Variants in NR3C2 observed in about 807,000 individuals in gnomAD.
The protein encoded by NR3C2 is nuclear receptor subfamily 3 group C member 2.
NR3C2 carries 15 observed loss-of-function variants against 86.4 expected under a neutral mutation model. The ratio of observed to expected loss-of-function variants is 0.17; its 90% CI spans 0.12 to 0.27. The LOEUF (loss-of-function observed/expected upper bound fraction) is 0.27, where lower values mean the gene tolerates loss of function less well. Ranked by LOEUF, NR3C2 falls within the 10% of genes least tolerant of loss-of-function variation. The pLI is 1.00. For synonymous variants in NR3C2, 458 were observed against 450.5 expected, an observed-to-expected ratio of 1.02 and a Z score of -0.21; for missense variants, 960 against 1,195.6, an observed-to-expected ratio of 0.80 and a Z score of 2.91.
At chr4:148,114,042 G>C in intron 8 of NR3C2, 62 bp downstream of exon 8, 3 of 1,586,622 alleles carry the variant, frequency 1.9e-6, no homozygotes, top group Non-Finnish European at 2.6e-6. Context: ...GTTTCCTTTG[G>C]TCAGCAGTGT....
chr4:148,385,303 T>C (rs533978453), intron 2 of NR3C2, among the ~76,000 whole-genome samples: 1 of 152,290 alleles, frequency 6.6e-6, no homozygotes, highest in South Asian at 2.1e-4. Context: ...CCATAACAAA[T>C]TATCTGCCAG....
At chr4:148,321,589 T>G (rs1743595617) in intron 2 of NR3C2, among the ~76,000 whole-genome samples, 1 of 152,194 alleles carries the variant, frequency 6.6e-6, no homozygotes, top group Admixed American at 6.5e-5. Context: ...ATATTTAGGA[T>G]AGTTAGCTCT....
At chr4:148,322,220 G>C (rs1231213204) in intron 2 of NR3C2, among the ~76,000 whole-genome samples, 2 of 149,316 alleles carry the variant, frequency 1.3e-5, no homozygotes, top group Non-Finnish European at 3.0e-5. Context: ...ACTCTCTTCT[G>C]GCTTGTAGGG....
At chr4:148,154,330 G>T (rs986782899) in intron 5 of NR3C2, among the ~76,000 whole-genome samples, 1 of 152,156 alleles carries the variant, frequency 6.6e-6, no homozygotes. Flanking sequence ...AGCCGTATCT[G>T]TCATTTTAAC....
intron 3 of NR3C2, among the ~76,000 whole-genome samples, chr4:148,241,053 C>A (rs141302468): frequency 0.011 from 1,615 of 152,114 alleles, 20 homozygotes; most frequent in African/African-American, 0.037. Context: ...CGCCTGTAAT[C>A]CCAACGCTTT....
intron 2 of NR3C2, among the ~76,000 whole-genome samples, chr4:148,381,354 A>G (rs970348492): frequency 2.6e-5 from 4 of 152,214 alleles, no homozygotes; most frequent in African/African-American, 9.6e-5. Context: ...AATGCCATGT[A>G]CTGTTTCTCT....
intron 4 of NR3C2, among the ~76,000 whole-genome samples, chr4:148,160,104 A>C (rs1484912235): frequency 6.6e-6 from 1 of 152,184 alleles, no homozygotes; most frequent in African/African-American, 2.4e-5. Context: ...TATAATAACT[A>C]GTATGTGCTT....
Position 148,320,973 on chromosome 4 carries a change from G to T in NR3C2, c.1758-60856C>A, listed in dbSNP as rs1419674161. 0.012 allele frequency among the ~76,000 whole-genome samples: 1,832 copies of T among 149,038 alleles called. 77 individuals are homozygous for T. The East Asian group carries it at 0.14, about 12-fold the overall frequency. On this transcript the variant is annotated intron_variant, in intron 2 of 8. Coordinates refer to ENST00000358102, the MANE Select transcript of NR3C2 (RefSeq NM_000901.5). ...TAGTTCTTTTAATTGTGATGTTAGGGTGTCAATTTTGGATCTTTCCTGCTT... is the reference window on the plus strand; with the variant it reads ...TAGTTCTTTTAATTGTGATGTTAGGTTGTCAATTTTGGATCTTTCCTGCTT...
intron 2 of NR3C2, among the ~76,000 whole-genome samples, chr4:148,410,686 C>G (rs1290354997): frequency 6.6e-6 from 1 of 152,114 alleles, no homozygotes; most frequent in South Asian, 2.1e-4. Context: ...ATTTTTCTTA[C>G]CTATCCGCAA....
intron 6 of NR3C2, among the ~76,000 whole-genome samples, chr4:148,124,795 T>G (rs1203628521): frequency 6.6e-6 from 1 of 152,200 alleles, no homozygotes; most frequent in Non-Finnish European, 1.5e-5. Flanking sequence ...CTCTCTGTAC[T>G]GCATTCCTAG....
chr4:148,239,457 T>C (rs886961703), intron 3 of NR3C2, among the ~76,000 whole-genome samples: 4 of 152,132 alleles, frequency 2.6e-5, no homozygotes, highest in Non-Finnish European at 4.4e-5. Flanking sequence ...TCTTGAAGAG[T>C]ATCTGCCCCT....
intron 2 of NR3C2, among the ~76,000 whole-genome samples, chr4:148,287,150 CT>C (rs998008281): frequency 1.3e-5 from 2 of 152,206 alleles, no homozygotes; most frequent in South Asian, 2.1e-4. Flanking sequence ...ATGGAAACCA[CT>C]TTTTTTCTCT....
intron 2 of NR3C2, among the ~76,000 whole-genome samples, chr4:148,297,883 C>T (rs2149917318): frequency 6.7e-6 from 1 of 149,602 alleles, no homozygotes; most frequent in East Asian, 1.9e-4. Context: ...AAGTGAAACT[C>T]CGTCTCAAAA....
intron 8 of NR3C2, among the ~76,000 whole-genome samples, chr4:148,088,492 A>G (rs1730916696): frequency 6.6e-6 from 1 of 152,224 alleles, no homozygotes; most frequent in Non-Finnish European, 1.5e-5. Context: ...TAGAATGGAT[A>G]AAGAAAATGT....
intron 2 of NR3C2, among the ~76,000 whole-genome samples, chr4:148,298,746 T>C (rs1307306785): frequency 3.9e-5 from 6 of 152,240 alleles, no homozygotes; most frequent in African/African-American, 1.4e-4. Flanking sequence ...CAAATTCTAG[T>C]TACCCTGCTT....
chr4:148,096,827 C>G (rs1731297751), intron 8 of NR3C2, among the ~76,000 whole-genome samples: 1 of 152,208 alleles, frequency 6.6e-6, no homozygotes, highest in Admixed American at 6.5e-5. Context: ...AGCTGAGTAG[C>G]TGTAACCAAG....
chr4:148,332,331 G>A (rs906810589), intron 2 of NR3C2, among the ~76,000 whole-genome samples: 2 of 152,146 alleles, frequency 1.3e-5, no homozygotes, highest in South Asian at 2.1e-4. Context: ...CTCTGGTAAC[G>A]TAAATGGATT....
intron 6 of NR3C2, among the ~76,000 whole-genome samples, chr4:148,136,056 C>CAAAAAA (rs199716496): frequency 1.5e-4 from 11 of 71,172 alleles, no homozygotes; most frequent in African/African-American, 3.3e-4. Flanking sequence ...GACTCCGTCT[C>CAAAAAA]AAAAAAAAAA....
chr4:148,290,438 T>C (rs1275625624), intron 2 of NR3C2, among the ~76,000 whole-genome samples: 1 of 152,178 alleles, frequency 6.6e-6, no homozygotes, highest in Non-Finnish European at 1.5e-5. Flanking sequence ...TTTTGAATTC[T>C]TGAACTACAG....
Sources: gnomAD v4.1 joint callset for allele counts (sites outside exome capture counted in the v4.1 genomes callset) on GRCh38, gnomAD v4.1.1 for gene constraint, MANE v1.5 for transcripts, NCBI Gene and HGNC (gene_info 2026-07-23, HGNC 2026-07-21) for gene names.